KAZN: variants seen among roughly 807,000 people sequenced by gnomAD.
KAZN encodes kazrin.
Under a neutral mutation model 87.4 loss-of-function variants are expected in KAZN, and 40 were observed. The observed-to-expected ratio is 0.46, with a 90% CI of 0.36 to 0.60. The LOEUF is 0.60. KAZN is among the 20% of genes least tolerant of loss of function. KAZN has a pLI of 0.00. For synonymous variants in KAZN, 466 were observed against 458.3 expected (o/e 1.02, Z -0.22); for missense variants, 898 against 1,073.9 (o/e 0.84, Z 2.29).
intron 2 of KAZN, among the ~76,000 whole-genome samples, chr1:14,448,051 G>T (rs1006906330): frequency 2.0e-5 from 3 of 152,214 alleles, no homozygotes; most frequent in African/African-American, 7.2e-5. Flanking sequence ...TCAGAAGCTT[G>T]TCCACAGGAC....
intron 2 of KAZN, among the ~76,000 whole-genome samples, chr1:14,504,001 T>TTG (rs1186387949): frequency 6.6e-6 from 1 of 152,118 alleles, no homozygotes; most frequent in Non-Finnish European, 1.5e-5. Flanking sequence ...AAGCCCTCAC[T>TTG]CTCAAGGTTG....
intron 1 of KAZN, among the ~76,000 whole-genome samples, chr1:14,152,314 C>T (rs1305908880): frequency 6.6e-5 from 10 of 152,090 alleles, no homozygotes; most frequent in Admixed American, 6.6e-4. Context: ...ATTAAGCATC[C>T]GTACCTCCCC....
At position 14,100,887 on chromosome 1, in the gene KAZN, A is replaced by T. The variant is rs181541415; in HGVS notation, c.92-79548A>T. The stretch of plus-strand genomic sequence containing the variant: ...GATGGGTCTTTCCCGTGCTGTTTTC[A>T]TGATAGTGAATAAGTTTCACAAAAT... On this transcript the variant is annotated intron_variant, in intron 1 of 16. Transcript: ENST00000636203. 3.0e-3 allele frequency among the ~76,000 whole-genome samples: 453 copies of T among 152,018 alleles called. 6 individuals are homozygous for T. Among genetic ancestry groups the T allele is most frequent in the African/African-American group, 0.011 (438 of 41,456 alleles).
intron 2 of KAZN, among the ~76,000 whole-genome samples, chr1:14,566,745 C>T (rs766887411): frequency 2.0e-5 from 3 of 152,208 alleles, no homozygotes; most frequent in South Asian, 2.1e-4. Flanking sequence ...TACACCAATG[C>T]CTTTTTTCCT....
At chr1:14,731,161 C>G (rs1302341283) in intron 1 of KAZN, among the ~76,000 whole-genome samples, 2 of 139,668 alleles carry the variant, frequency 1.4e-5, no homozygotes, top group Non-Finnish European at 3.2e-5. Context: ...CCATCATGAG[C>G]AAATGGAAGT....
chr1:14,114,862 A>G (rs763835045), intron 1 of KAZN, among the ~76,000 whole-genome samples: 27 of 152,180 alleles, frequency 1.8e-4, no homozygotes, highest in Non-Finnish European at 3.8e-4. Context: ...TACCGTTCCC[A>G]TTTATAAATG....
chr1:15,111,401 G>C (rs975551291), intron 13 of KAZN, among the ~76,000 whole-genome samples: 3 of 152,012 alleles, frequency 2.0e-5, no homozygotes, highest in Non-Finnish European at 4.4e-5. Context: ...CTTAGCCTCC[G>C]AGTAACTGGG....
chr1:14,267,065 G>A (rs1166531414), intron 2 of KAZN, among the ~76,000 whole-genome samples: 1 of 121,934 alleles, frequency 8.2e-6, no homozygotes, highest in African/African-American at 3.0e-5. Context: ...AGTCCCCGCT[G>A]GTGTGTGATG....
At chr1:14,222,476 C>A (rs1647127093) in intron 2 of KAZN, among the ~76,000 whole-genome samples, 1 of 152,112 alleles carries the variant, frequency 6.6e-6, no homozygotes. Flanking sequence ...TATGTTTCTG[C>A]TTTTGTTCTG....
At chr1:14,825,363 C>G (rs1162841014) in intron 1 of KAZN, among the ~76,000 whole-genome samples, 2 of 152,196 alleles carry the variant, frequency 1.3e-5, no homozygotes, top group Non-Finnish European at 2.9e-5. Context: ...CTTCTTTTTG[C>G]TGTTTTATCT....
intron 2 of KAZN, among the ~76,000 whole-genome samples, chr1:14,377,557 C>T (rs896638328): frequency 6.6e-6 from 1 of 152,188 alleles, no homozygotes; most frequent in African/African-American, 2.4e-5. Context: ...TGGGCCAGGT[C>T]GCTGGCAGTA....
chr1:14,009,172 A>G (rs1022507562), intron 1 of KAZN, among the ~76,000 whole-genome samples: 1 of 152,208 alleles, frequency 6.6e-6, no homozygotes, highest in East Asian at 1.9e-4. Flanking sequence ...ATAATATTCC[A>G]TTGTGTGTAT....
At chr1:14,896,150 G>A (rs1476741740) in intron 1 of KAZN, among the ~76,000 whole-genome samples, 1 of 150,906 alleles carries the variant, frequency 6.6e-6, no homozygotes, top group African/African-American at 2.5e-5. Context: ...TGCTTCCCGG[G>A]TTCAAGCGAT....
intron 2 of KAZN, among the ~76,000 whole-genome samples, chr1:14,964,720 G>A (rs1469812271): frequency 6.6e-6 from 1 of 152,322 alleles, no homozygotes; most frequent in Non-Finnish European, 1.5e-5. Context: ...GTGGGAAAAA[G>A]CAGAGCCCCC....
chr1:14,577,732 A>G (rs966100412), intron 2 of KAZN, among the ~76,000 whole-genome samples: 1 of 152,160 alleles, frequency 6.6e-6, no homozygotes, highest in Non-Finnish European at 1.5e-5. Flanking sequence ...TCCCTTCCCA[A>G]TCGTGATAGT....
chr1:14,040,880 A>G (rs1418605161), intron 1 of KAZN, among the ~76,000 whole-genome samples: 2 of 152,048 alleles, frequency 1.3e-5, no homozygotes, highest in African/African-American at 4.8e-5. Context: ...CTGAGCTATT[A>G]GGAGTTAATA....
intron 2 of KAZN, among the ~76,000 whole-genome samples, chr1:14,218,080 C>G (rs1646997497): frequency 6.6e-6 from 1 of 151,978 alleles, no homozygotes; most frequent in South Asian, 2.1e-4. Flanking sequence ...CAGCTTGATA[C>G]TGAGTGCTAT....
At chr1:15,098,159 G>A (rs1003450490) in intron 10 of KAZN, among the ~76,000 whole-genome samples, 2 of 152,232 alleles carry the variant, frequency 1.3e-5, no homozygotes, top group African/African-American at 2.4e-5. Context: ...TTTCCGTGCT[G>A]CGCCGTGACC....
chr1:14,525,389 A>T (rs1671809153), intron 2 of KAZN, among the ~76,000 whole-genome samples: 2 of 152,240 alleles, frequency 1.3e-5, no homozygotes, highest in South Asian at 4.1e-4. Flanking sequence ...TTGAACCATG[A>T]GGTGTCTGTT....
Sources: allele counts gnomAD v4.1 joint callset (sites outside exome capture counted in the v4.1 genomes callset), GRCh38; gene constraint gnomAD v4.1.1; transcripts MANE v1.5; gene names NCBI Gene and HGNC (gene_info 2026-07-23, HGNC 2026-07-21).